UBR1: variants seen among roughly 807,000 people sequenced by gnomAD.
The protein encoded by UBR1 is E3 ubiquitin-protein ligase UBR1.
In UBR1, 102 loss-of-function variants were observed where a neutral mutation model predicts 242.1. The observed-to-expected ratio is 0.42, with a 90% CI of 0.36 to 0.50. The LOEUF (loss-of-function observed/expected upper bound fraction) is 0.50, where lower values mean the gene tolerates loss of function less well. Among genes scored for constraint, UBR1 ranks in the 20% least tolerant of loss-of-function variants. The pLI is 0.01. For synonymous variants in UBR1, 675 were observed against 684.8 expected (o/e 0.99, Z 0.22); for missense variants, 1,772 against 2,101.8 (o/e 0.84, Z 3.07).
At position 43,076,768 on chromosome 15, in the gene UBR1, G is replaced by T. The variant is rs571716540; in HGVS notation, c.418-1679C>A. Among the ~76,000 whole-genome samples the T allele has an allele frequency of 4.5e-3, 640 of 143,434 alleles. 12 individuals carry two copies. The highest frequency in any genetic ancestry group is 0.016 in the African/African-American group (615 of 38,462). 94.1% of individuals were successfully genotyped at this position (143,434 alleles called of 152,430 possible). A position where few individuals can be genotyped will look rare whatever the true frequency, so the allele number is the denominator to read the frequency against. ...CCTGGCAGCCACCGCGTCCGGGAGG[G>T]AGGTGGGAGGGGGTCAGCCCCCCGC... On this transcript the variant is annotated intron_variant, in intron 3 of 46. Coordinates refer to ENST00000290650, the MANE Select transcript of UBR1 (RefSeq NM_174916.3).
chr15:43,095,826 T>A (rs1439044796), intron 1 of UBR1, among the ~76,000 whole-genome samples: 1 of 152,134 alleles, frequency 6.6e-6, no homozygotes, highest in Non-Finnish European at 1.5e-5. Flanking sequence ...ACCCTCAAAG[T>A]CAGCATCCAA....
At chr15:43,094,941 C>T (rs2034142067) in intron 1 of UBR1, among the ~76,000 whole-genome samples, 1 of 152,140 alleles carries the variant, frequency 6.6e-6, no homozygotes, top group Admixed American at 6.6e-5. Context: ...CATTTTGTCC[C>T]TCCTAAGGGA....
At chr15:43,099,883 T>TA (rs1489772083) in intron 1 of UBR1, among the ~76,000 whole-genome samples, 1 of 150,610 alleles carries the variant, frequency 6.6e-6, no homozygotes. Context: ...GGTGCCTCTT[T>TA]TTTTTTTTTT....
intron 33 of UBR1, among the ~76,000 whole-genome samples, chr15:42,992,381 G>T (rs1160833990): frequency 1.3e-5 from 2 of 152,100 alleles, no homozygotes; most frequent in Non-Finnish European, 2.9e-5. Flanking sequence ...GGAGGTTCTG[G>T]TCCTGTTAAA....
At chr15:42,967,424 T>G (rs1036246230) in intron 40 of UBR1, among the ~76,000 whole-genome samples, 14 of 150,790 alleles carry the variant, frequency 9.3e-5, no homozygotes, top group African/African-American at 3.0e-4. Context: ...TTTTTTTTTT[T>G]TTTGTTTAGA....
At chr15:42,973,255 C>T (rs547133164) in intron 39 of UBR1, among the ~76,000 whole-genome samples, 2 of 152,268 alleles carry the variant, frequency 1.3e-5, no homozygotes, top group East Asian at 3.9e-4. Flanking sequence ...GCCTTAGCCT[C>T]CTATAGTGTT....
chr15:43,003,238 T>A (rs1233466629), intron 31 of UBR1: 1 of 163,158 alleles, frequency 6.1e-6, no homozygotes, highest in Non-Finnish European at 1.3e-5. Context: ...AGATTACTTT[T>A]TTATTATTTA....
intron 12 of UBR1, among the ~76,000 whole-genome samples, chr15:43,051,100 G>C (rs1015434757): frequency 2.6e-5 from 4 of 152,072 alleles, no homozygotes; most frequent in African/African-American, 7.2e-5. Flanking sequence ...AATATAAATT[G>C]TTCTATTATA....
chr15:43,004,914 C>T (rs1358210092), intron 30 of UBR1, among the ~76,000 whole-genome samples: 1 of 151,802 alleles, frequency 6.6e-6, no homozygotes, highest in African/African-American at 2.4e-5. Flanking sequence ...TCCCAGCCGC[C>T]ATCCCGTCTA....
intron 33 of UBR1, among the ~76,000 whole-genome samples, chr15:42,991,920 A>T (rs572791712): frequency 5.3e-4 from 81 of 151,824 alleles, no homozygotes; most frequent in African/African-American, 1.2e-3. Context: ...TATTATTATT[A>T]TTTTTTATTT....
chr15:43,018,482 G>C (rs2033060774), intron 27 of UBR1, among the ~76,000 whole-genome samples: 1 of 152,050 alleles, frequency 6.6e-6, no homozygotes, highest in Admixed American at 6.6e-5. Context: ...CTGTCTCCTG[G>C]GCTCATGCCA....
At chr15:42,998,937 CTTT>C (rs35098054) in intron 32 of UBR1, among the ~76,000 whole-genome samples, 2 of 121,262 alleles carry the variant, frequency 1.6e-5, no homozygotes, top group Non-Finnish European at 1.7e-5. Context: ...GGAGCCTTTG[CTTT>C]TTTTTTTTTT....
rs533323855 is a variant in UBR1, at chr15:43,027,425, G to A, written c.2432+351C>T. 6.6e-5 allele frequency among the ~76,000 whole-genome samples: 10 copies of A among 151,998 alleles called. 1 individual carries two copies. In the South Asian group the frequency reaches 2.1e-3, roughly 32 times the overall value. ...ATAAAATACTGTTTTAATTCTACCA[G>A]AGAATAATCCAAAATTAGCATATAA... On this transcript the variant is annotated intron_variant, in intron 22 of 46. Transcript: ENST00000290650.
At chr15:42,981,329 C>T (rs759221914) in intron 37 of UBR1, among the ~76,000 whole-genome samples, 2 of 152,166 alleles carry the variant, frequency 1.3e-5, no homozygotes, top group Non-Finnish European at 2.9e-5. Flanking sequence ...CACTTTCCTA[C>T]CTCCTCAATC....
At chr15:43,099,655 CTCAT>C (rs566890756) in intron 1 of UBR1, among the ~76,000 whole-genome samples, 3 of 152,134 alleles carry the variant, frequency 2.0e-5, no homozygotes, top group Admixed American at 6.5e-5. Flanking sequence ...TCAGTGTCTT[CTCAT>C]TCATTCATTC....
chr15:43,086,031 C>A lies in UBR1; in HGVS notation c.291G>T (p.Gln97His). Reference protein sequence around the residue: ...LEKLKHSGAFQLCGRVFKSGE... With the variant: ...LEKLKHSGAFHLCGRVFKSGE... Reference sequence around the variant, plus strand: ...CACTTTTGAAAACCCTCCCACAAAGCTGAAATGCTCCACTGTGCTTCAATT... The same window carrying A: ...CACTTTTGAAAACCCTCCCACAAAGATGAAATGCTCCACTGTGCTTCAATT... The change falls in exon 2 of 47, where the codon CAG becomes CAT. Residue 97 changes from glutamine to histidine, a missense_variant. Gln to His is a conservative substitution (Grantham distance 24). Coordinates refer to ENST00000290650, the MANE Select transcript of UBR1 (RefSeq NM_174916.3). 6.2e-7 allele frequency: 1 copy of A among 1,613,984 alleles called. No individual in the cohort carries two copies. Among genetic ancestry groups the A allele is most frequent in the Non-Finnish European group, 8.5e-7 (1 of 1,179,994 alleles).
At chr15:42,992,717 T>C (rs915256250) in intron 33 of UBR1, among the ~76,000 whole-genome samples, 1 of 152,150 alleles carries the variant, frequency 6.6e-6, no homozygotes, top group African/African-American at 2.4e-5. Flanking sequence ...CTCTTGGGGA[T>C]TTCCCACCCC....
chr15:43,078,054 G>C (rs929074407), intron 3 of UBR1, among the ~76,000 whole-genome samples: 3 of 152,188 alleles, frequency 2.0e-5, no homozygotes, highest in Non-Finnish European at 2.9e-5. Flanking sequence ...CAGATAGCAA[G>C]AGAAGGGAGC....
chr15:43,092,453 G>A (rs1485691830), intron 1 of UBR1, among the ~76,000 whole-genome samples: 1 of 152,174 alleles, frequency 6.6e-6, no homozygotes, highest in Non-Finnish European at 1.5e-5. Flanking sequence ...CCTAGCACAA[G>A]TACACAATAA....
Sources: allele counts gnomAD v4.1 joint callset (sites outside exome capture counted in the v4.1 genomes callset), GRCh38; gene constraint gnomAD v4.1.1; transcripts MANE v1.5; gene names NCBI Gene and HGNC (gene_info 2026-07-23, HGNC 2026-07-21).